RBM19: variants seen among roughly 807,000 people sequenced by gnomAD.
The protein encoded by RBM19 is probable RNA-binding protein 19.
Under a neutral mutation model 116.8 loss-of-function variants are expected in RBM19, and 94 were observed. That is an observed-to-expected ratio of 0.80 (90% CI 0.68 to 0.95). RBM19 has a LOEUF of 0.95. Among genes scored for constraint, RBM19 ranks in the 40% least tolerant of loss-of-function variants. RBM19 has a pLI of 0.00. For synonymous variants in RBM19, 475 were observed against 494.1 expected, an observed-to-expected ratio of 0.96 and a Z score of 0.51; for missense variants, 1,161 against 1,220.7, an observed-to-expected ratio of 0.95 and a Z score of 0.73.
chr12:113,837,430 G>A (rs576321424), intron 23 of RBM19, among the ~76,000 whole-genome samples: 4 of 152,294 alleles, frequency 2.6e-5, no homozygotes, highest in South Asian at 2.1e-4. Flanking sequence ...TGAGTGCCCC[G>A]AAGGACCATG....
At chr12:113,911,778 G>A (rs1487376598) in intron 21 of RBM19, among the ~76,000 whole-genome samples, 2 of 152,130 alleles carry the variant, frequency 1.3e-5, no homozygotes, top group African/African-American at 4.8e-5. Flanking sequence ...AGAAACATGA[G>A]GCACTGCAGC....
At chr12:113,912,026 G>GA (rs1346173043) in intron 21 of RBM19, among the ~76,000 whole-genome samples, 1 of 152,188 alleles carries the variant, frequency 6.6e-6, no homozygotes, top group Non-Finnish European at 1.5e-5. Context: ...TGATCCCACA[G>GA]AAACATGGAA....
At chr12:113,882,044 T>C (rs12370829) in intron 21 of RBM19, among the ~76,000 whole-genome samples, 28,890 of 152,224 alleles carry the variant, frequency 0.19, 3,471 homozygotes, top group Middle Eastern at 0.34. Flanking sequence ...CAGGCCCCCA[T>C]GGGCAAGTCA....
At chr12:113,837,596 G>A (rs188714391) in intron 23 of RBM19, among the ~76,000 whole-genome samples, 7 of 152,336 alleles carry the variant, frequency 4.6e-5, no homozygotes, top group East Asian at 3.9e-4. Context: ...GAGGCAGAGC[G>A]ACTTGCCTGA....
At chr12:113,845,181 G>A (rs927342866) in intron 22 of RBM19, among the ~76,000 whole-genome samples, 4 of 152,180 alleles carry the variant, frequency 2.6e-5, no homozygotes, top group African/African-American at 7.2e-5. Flanking sequence ...GATGACAAGC[G>A]TGCAGGCCTC....
At position 113,903,826 on chromosome 12, in the gene RBM19, C is replaced by G. The variant is rs983561766; in HGVS notation, c.2558+11143G>C. ...TTGATATAATCTGGGTAGTTCCTGT[C>G]TCTCCCTCCTAAAATAAGAGGACAT... On this transcript the variant is annotated intron_variant, in intron 21 of 23. Coordinates refer to ENST00000261741, the MANE Select transcript of RBM19 (RefSeq NM_016196.4). This position sits in a 1 kb window ranked among gnomAD's most constrained non-coding sequence, Gnocchi z 5.1. Among the ~76,000 whole-genome samples, 1 of 152,136 alleles carries G rather than the reference C, an allele frequency of 6.6e-6. No individual in the cohort carries two copies. Among genetic ancestry groups the G allele is most frequent in the African/African-American group, 2.4e-5 (1 of 41,412 alleles).
chr12:113,823,376 G>A, intron 23 of RBM19, 55 bp from the exon 24 acceptor site: 1 of 1,494,860 alleles, frequency 6.7e-7, no homozygotes, highest in Admixed American at 1.7e-5. Context: ...AGGGTTGGGA[G>A]GCAGGAAGAG....
intron 2 of RBM19, among the ~76,000 whole-genome samples, chr12:113,961,378 T>C (rs532737741): frequency 3.6e-4 from 55 of 152,262 alleles, no homozygotes; most frequent in African/African-American, 1.3e-3. Flanking sequence ...ATCTCTATAA[T>C]AATGACATGC....
chr12:113,933,769 T>C (rs1165508910), intron 16 of RBM19, among the ~76,000 whole-genome samples: 2 of 152,214 alleles, frequency 1.3e-5, no homozygotes, highest in African/African-American at 4.8e-5. Flanking sequence ...GGCCCACTTC[T>C]ATTACTACTT....
At chr12:113,863,350 C>T (rs572910292) in intron 21 of RBM19, among the ~76,000 whole-genome samples, 1 of 152,240 alleles carries the variant, frequency 6.6e-6, no homozygotes, top group East Asian at 1.9e-4. Context: ...GATGAATCAT[C>T]TTGGGTCTCT....
chr12:113,877,415 T>C (rs915594537), intron 21 of RBM19, among the ~76,000 whole-genome samples: 2 of 152,188 alleles, frequency 1.3e-5, no homozygotes, highest in African/African-American at 4.8e-5. Context: ...TGGCCAGATC[T>C]GGCCCATGAG....
intron 21 of RBM19, among the ~76,000 whole-genome samples, chr12:113,889,892 G>GA (rs202090983): frequency 0.079 from 11,462 of 144,226 alleles, 706 homozygotes; most frequent in East Asian, 0.34. Flanking sequence ...AGCTGAGGGG[G>GA]AAAAAAAAAA....
chr12:113,898,767 TAG>T lies in RBM19; in HGVS notation c.2558+16200_2558+16201del. Among the ~76,000 whole-genome samples the T allele has an allele frequency of 6.6e-6, 1 of 152,368 alleles. No homozygotes were observed. The highest frequency in any genetic ancestry group is 1.5e-5 in the Non-Finnish European group (1 of 68,038). On this transcript the variant is annotated intron_variant, in intron 21 of 23. Transcript: ENST00000261741. The surrounding 1 kb of genome is among the most constrained non-coding windows in gnomAD (Gnocchi z 4.3). ...GACGTAAAAGAACCGAAACAGATTA[TAG>T]ATCTGGACCTGAGGCTACATCTTTC...
intron 1 of RBM19, among the ~76,000 whole-genome samples, chr12:113,964,901 C>CTT (rs2135949699): frequency 6.6e-6 from 1 of 151,644 alleles, no homozygotes; most frequent in African/African-American, 2.4e-5. Flanking sequence ...ATTTTGAAAA[C>CTT]TGTGTGTTAC....
chr12:113,892,574 G>C (rs1881033419), intron 21 of RBM19, among the ~76,000 whole-genome samples: 1 of 152,124 alleles, frequency 6.6e-6, no homozygotes, highest in Admixed American at 6.5e-5. Flanking sequence ...TAAAGTGCTG[G>C]GCAAAAAGAC....
chr12:113,877,087 T>A (rs1879719543), intron 21 of RBM19, among the ~76,000 whole-genome samples: 1 of 152,226 alleles, frequency 6.6e-6, no homozygotes, highest in Non-Finnish European at 1.5e-5. Flanking sequence ...GGGCTGCCCC[T>A]GCAGCCACAA....
intron 11 of RBM19, among the ~76,000 whole-genome samples, chr12:113,946,676 G>A (rs1871051090): frequency 6.6e-6 from 1 of 152,136 alleles, no homozygotes; most frequent in Admixed American, 6.5e-5. Context: ...GGGGCCACCT[G>A]ACACAGCTAC....
rs1209446538 is a variant in RBM19 at position 113,946,357 on chromosome 12, G to A, written c.1526C>T (p.Ala509Val). The A allele has an allele frequency of 1.2e-6, 2 of 1,613,960 alleles. No individual in the cohort carries two copies. Among genetic ancestry groups the A allele is most frequent in the Admixed American group, 3.3e-5 (2 of 60,010 alleles). The change falls in exon 12 of 24, where the codon GCC becomes GTC. Residue 509 changes from alanine (A) to valine (V), a missense_variant. Physicochemically the swap from Ala to Val is moderately conservative, Grantham distance 64. Transcript: ENST00000261741. ...TGGTTTCAGGGGCACTGAGGACCTG[G>A]CACTGTTGGCTTTGTCCTGGGCCTC... ...KKEAQDKANS[A>V]SSHNWNTLFM...
chr12:113,869,763 C>T lies in RBM19; in HGVS notation c.2559-10867G>A, dbSNP rs534103594. On this transcript the variant is annotated intron_variant, in intron 21 of 23. Coordinates refer to ENST00000261741, the MANE Select transcript of RBM19 (RefSeq NM_016196.4). Reference sequence around the variant, plus strand: ...TTTGCTTGTTATCTTAAAAATGGTTCAAGAATTAATCAGCCGCATATCTTG... The same window carrying T: ...TTTGCTTGTTATCTTAAAAATGGTTTAAGAATTAATCAGCCGCATATCTTG... Among the ~76,000 whole-genome samples the T allele has an allele frequency of 2.0e-5, 3 of 152,164 alleles. No homozygotes were observed. In the East Asian group the frequency reaches 5.8e-4, roughly 29 times the overall value.
Sources: allele counts gnomAD v4.1 joint callset (sites outside exome capture counted in the v4.1 genomes callset), GRCh38; gene constraint gnomAD v4.1.1; non-coding constraint Gnocchi (gnomAD v3.1); transcripts MANE v1.5; gene names NCBI Gene and HGNC (gene_info 2026-07-23, HGNC 2026-07-21).